Variants in MITF observed in about 807,000 individuals in gnomAD.
The protein encoded by MITF is melanocyte inducing transcription factor, also known as microphthalmia-associated transcription factor.
A neutral mutation model predicts 60.5 loss-of-function variants in MITF; 17 were observed. The observed-to-expected ratio is 0.28, with a 90% CI of 0.19 to 0.42. The LOEUF is 0.42. Ranked by LOEUF, MITF falls within the 10% of genes least tolerant of loss-of-function variation. MITF has a pLI of 1.00. For missense variants in MITF, 622 were observed against 683.5 expected (o/e 0.91, Z 1.00); for synonymous variants, 260 against 248.5 (o/e 1.05, Z -0.43).
chr3:69,959,141 C>G, intron 8 of MITF, 132 bp from the exon 9 acceptor site: 1 of 1,080,564 alleles, frequency 9.3e-7, no homozygotes, highest in Non-Finnish European at 1.3e-6. Flanking sequence ...CCAAGCACCA[C>G]CTGTTCCCCC....
intron 1 of MITF, among the ~76,000 whole-genome samples, chr3:69,769,094 G>T (rs138850507): frequency 6.6e-6 from 1 of 152,310 alleles, no homozygotes; most frequent in Non-Finnish European, 1.5e-5. Flanking sequence ...TAGTGGGTAA[G>T]CATGTAAGTC....
intron 2 of MITF, among the ~76,000 whole-genome samples, chr3:69,917,824 A>C (rs781470837): frequency 7.9e-5 from 12 of 152,134 alleles, no homozygotes; most frequent in Non-Finnish European, 1.6e-4. Context: ...CCTTTAGAAA[A>C]GATAGAGACT....
At chr3:69,821,646 A>G (rs2063273773) in intron 1 of MITF, among the ~76,000 whole-genome samples, 1 of 148,834 alleles carries the variant, frequency 6.7e-6, no homozygotes, top group Admixed American at 6.8e-5. Flanking sequence ...CAAGGCTAAT[A>G]TTAGGATCCT....
At chr3:69,920,441 G>A (rs1016791310) in intron 2 of MITF, among the ~76,000 whole-genome samples, 3 of 152,278 alleles carry the variant, frequency 2.0e-5, no homozygotes, top group African/African-American at 4.8e-5. Context: ...TGCTTCGGTG[G>A]TCACACTCCT....
chr3:69,743,725 G>A (rs899217112), intron 1 of MITF, among the ~76,000 whole-genome samples: 7 of 152,202 alleles, frequency 4.6e-5, no homozygotes, highest in Non-Finnish European at 8.8e-5. Flanking sequence ...GAGGAAAAGC[G>A]CTGAATATCT....
At chr3:69,866,376 C>T in intron 1 of MITF, 1 of 1,612,892 alleles carries the variant, frequency 6.2e-7, no homozygotes, top group Non-Finnish European at 8.5e-7. Flanking sequence ...GGAAATAATC[C>T]CGGGACCACT....
In MITF at chr3:69,966,368, C is replaced by A. The variant is rs544152010; in HGVS notation, c.*1120C>A. 3.4e-5 allele frequency: 8 copies of A among 232,932 alleles called. No individual in the cohort carries two copies. The highest frequency in any genetic ancestry group is 6.0e-5 in the Non-Finnish European group (7 of 117,626). 14.4% of individuals were successfully genotyped at this position (232,932 alleles called of 1,614,324 possible). A position where few individuals can be genotyped will look rare whatever the true frequency, so the allele number is the denominator to read the frequency against. On this transcript the variant is annotated 3_prime_UTR_variant, in exon 10 of 10. Transcript: ENST00000352241. ...AGCTTTGCGAATATTTTGTAAATTA[C>A]AGTCTCACTCAGAACTGTTTTTGGA...
intron 1 of MITF, among the ~76,000 whole-genome samples, chr3:69,813,214 A>G (rs1268089832): frequency 1.3e-5 from 2 of 152,216 alleles, no homozygotes; most frequent in African/African-American, 2.4e-5. Context: ...ATAACTTTTC[A>G]TTGACACAGT....
At chr3:69,789,829 CTGGGCAACAGAG>C in intron 1 of MITF, among the ~76,000 whole-genome samples, 1 of 152,242 alleles carries the variant, frequency 6.6e-6, no homozygotes, top group East Asian at 1.9e-4. Flanking sequence ...GCACTGCAGC[CTGGGCAACAGAG>C]TGAGACTGTG....
intron 1 of MITF, among the ~76,000 whole-genome samples, chr3:69,800,982 T>C (rs911113619): frequency 1.3e-5 from 2 of 152,080 alleles, no homozygotes; most frequent in African/African-American, 2.4e-5. Flanking sequence ...CCTCTCATTA[T>C]AGGAATAAAA....
At chr3:69,829,725 CCT>C (rs2063415233) in intron 1 of MITF, among the ~76,000 whole-genome samples, 1 of 152,094 alleles carries the variant, frequency 6.6e-6, no homozygotes, top group South Asian at 2.1e-4. Context: ...ATTGTTTCCA[CCT>C]GTCATTTGGT....
At chr3:69,957,267 A>G (rs1369500633) in intron 8 of MITF, among the ~76,000 whole-genome samples, 3 of 152,222 alleles carry the variant, frequency 2.0e-5, no homozygotes, top group African/African-American at 4.8e-5. Context: ...AAGGGGCTAG[A>G]AAATGTATAC....
chr3:69,826,289 C>A (rs919626844), intron 1 of MITF, among the ~76,000 whole-genome samples: 1 of 152,182 alleles, frequency 6.6e-6, no homozygotes. Context: ...AGAAATGGAA[C>A]AAGCCATATG....
intron 1 of MITF, among the ~76,000 whole-genome samples, chr3:69,800,322 A>T (rs2062898364): frequency 6.6e-6 from 1 of 152,068 alleles, no homozygotes; most frequent in South Asian, 2.1e-4. Flanking sequence ...CAGTGTAGGG[A>T]TATACCACAT....
chr3:69,884,695 C>T (rs2064570228), intron 2 of MITF, among the ~76,000 whole-genome samples: 2 of 152,114 alleles, frequency 1.3e-5, no homozygotes, highest in South Asian at 2.1e-4. Flanking sequence ...AACACAGGCT[C>T]AGTAGTGCAA....
At chr3:69,784,637 T>C (rs2062619438) in intron 1 of MITF, among the ~76,000 whole-genome samples, 1 of 152,134 alleles carries the variant, frequency 6.6e-6, no homozygotes, top group Admixed American at 6.5e-5. Flanking sequence ...GAGAAATTAC[T>C]TTTTTGAGGA....
At chr3:69,830,023 A>ATC (rs2063419797) in intron 1 of MITF, among the ~76,000 whole-genome samples, 2 of 152,070 alleles carry the variant, frequency 1.3e-5, no homozygotes, top group South Asian at 4.1e-4. Context: ...GTTCAGCAGG[A>ATC]GGGACCGTGA....
chr3:69,918,642 T>C (rs2107418571), intron 2 of MITF, among the ~76,000 whole-genome samples: 1 of 152,304 alleles, frequency 6.6e-6, no homozygotes, highest in South Asian at 2.1e-4. Context: ...CACATCAAGC[T>C]AGTTATGTAA....
At chr3:69,926,290 C>G (rs1397178798) in intron 2 of MITF, among the ~76,000 whole-genome samples, 1 of 152,140 alleles carries the variant, frequency 6.6e-6, no homozygotes, top group African/African-American at 2.4e-5. Context: ...GATATAGATC[C>G]TGAAGTTGTG....
Sources: gnomAD v4.1 joint callset for allele counts (sites outside exome capture counted in the v4.1 genomes callset) on GRCh38, gnomAD v4.1.1 for gene constraint, MANE v1.5 for transcripts, NCBI Gene and HGNC (gene_info 2026-07-23, HGNC 2026-07-21) for gene names.